The following FIGNL2 variants were observed in gnomAD, a reference collection of about 807,000 sequenced individuals.
FIGNL2 encodes fidgetin like 2.
For synonymous variants in FIGNL2, 565 were observed against 484.0 expected (o/e 1.17, Z -2.20); for missense variants, 1,060 against 950.2 (o/e 1.12, Z -1.52).
At chr12:51,825,948 C>T (rs970531094) in intron 1 of FIGNL2, 2 of 152,216 alleles carry the variant, frequency 1.3e-5, no homozygotes, top group African/African-American at 2.4e-5. Flanking sequence ...GATCTCTACT[C>T]TCAGTCTTCA....
intron 1 of FIGNL2, among the ~76,000 whole-genome samples, chr12:51,836,133 A>G (rs1195259919): frequency 6.6e-6 from 1 of 152,102 alleles, no homozygotes; most frequent in African/African-American, 2.4e-5. Flanking sequence ...TAGGATTCCC[A>G]GGCAGTTTTA....
Position 51,818,642 on chromosome 12 carries a change from A to T in FIGNL2, c.*1810T>A, listed in dbSNP as rs1939100207. On this transcript the variant is annotated 3_prime_UTR_variant, in exon 2 of 2. Transcript: ENST00000618634. ...ATCCCCCCCAGACACCCTCCCAGCC[A>T]GGGGGGAGGCAGTAGACTCTAGGAA... 6.6e-6 allele frequency: 1 copy of T among 152,370 alleles called. No individual in the cohort carries two copies. The highest frequency in any genetic ancestry group is 1.5e-5 in the Non-Finnish European group (1 of 68,492). The allele number at this position is 152,370 out of a possible 1,614,324, so 9.4% of individuals were successfully genotyped here. A position where few individuals can be genotyped will look rare whatever the true frequency, so the allele number is the denominator to read the frequency against.
chr12:51,844,236 G>A (rs764148774), intron 1 of FIGNL2, among the ~76,000 whole-genome samples: 1 of 152,184 alleles, frequency 6.6e-6, no homozygotes, highest in Non-Finnish European at 1.5e-5. Context: ...TTGGTCTCTA[G>A]GGTAGGGGTC....
At chr12:51,826,064 C>G (rs978088320) in intron 1 of FIGNL2, 1 of 152,202 alleles carries the variant, frequency 6.6e-6, no homozygotes, top group African/African-American at 2.4e-5. Flanking sequence ...CTCTGGCCCT[C>G]TTTTTACCTT....
rs1346602674 is a variant in FIGNL2, at chr12:51,821,346, A to G, written c.1068T>C (p.Arg356=). The G allele has an allele frequency of 7.3e-6, 11 of 1,501,022 alleles. No homozygotes were observed. The South Asian group carries it at 8.7e-5, about 12-fold the overall frequency. 93.0% of individuals were successfully genotyped at this position (1,501,022 alleles called of 1,614,324 possible). A position where few individuals can be genotyped will look rare whatever the true frequency, so the allele number is the denominator to read the frequency against. ...EKFPERAPAP[R]GGFAVPSGET... ...CCCCCGACGGCACGGCGAACCCCCCACGAGGAGCCGGGGCCCGCTCCGGGA... is the reference window on the plus strand; with the variant it reads ...CCCCCGACGGCACGGCGAACCCCCCGCGAGGAGCCGGGGCCCGCTCCGGGA... The change falls in exon 2 of 2, where the codon CGT becomes CGC. Residue 356 remains arginine (R), a synonymous_variant. Coordinates refer to ENST00000618634, the MANE Select transcript of FIGNL2 (RefSeq NM_001384995.1).
At chr12:51,822,556 C>T (rs1442264835) in intron 1 of FIGNL2, 132 bp from the exon 2 acceptor site, 2 of 971,420 alleles carry the variant, frequency 2.1e-6, no homozygotes, top group Non-Finnish European at 3.1e-6. Flanking sequence ...CACCTACCGC[C>T]CCACTCTCTT....
In FIGNL2 at chr12:51,821,395, G is replaced by C; in HGVS notation, c.1019C>G (p.Pro340Arg). The change falls in exon 2 of 2, where the codon CCG becomes CGG. Residue 340 changes from proline (P) to arginine (R), a missense_variant. Transcript: ENST00000618634. ...GAACTTTTCAAAGGGCTCCAGTTGCGGGCCGTAGACGGGGGAGCCCAGGAC... is the reference window on the plus strand; with the variant it reads ...GAACTTTTCAAAGGGCTCCAGTTGCCGGCCGTAGACGGGGGAGCCCAGGAC... ...LKVLGSPVYG[P>R]QLEPFEKFPE... The C allele has an allele frequency of 6.6e-7, 1 of 1,523,340 alleles. No homozygotes were observed. Among genetic ancestry groups the C allele is most frequent in the Non-Finnish European group, 8.8e-7 (1 of 1,137,830 alleles). The allele number at this position is 1,523,340 out of a possible 1,614,324, so 94.4% of individuals were successfully genotyped here. A position where few individuals can be genotyped will look rare whatever the true frequency, so the allele number is the denominator to read the frequency against.
intron 1 of FIGNL2, among the ~76,000 whole-genome samples, chr12:51,828,070 TACACTCACCA>T (rs1939381512): frequency 6.6e-6 from 1 of 152,104 alleles, no homozygotes; most frequent in African/African-American, 2.4e-5. Flanking sequence ...GCTGCACACC[TACACTCACCA>T]ACACTCACTT....
intron 1 of FIGNL2, among the ~76,000 whole-genome samples, chr12:51,830,537 G>C (rs189430383): frequency 2.0e-3 from 299 of 148,028 alleles, no homozygotes; most frequent in African/African-American, 7.0e-3. Context: ...TGTCGCATGG[G>C]CTGGAGTGCA....
At chr12:51,827,626 A>C (rs897831909) in intron 1 of FIGNL2, among the ~76,000 whole-genome samples, 9 of 152,204 alleles carry the variant, frequency 5.9e-5, no homozygotes, top group African/African-American at 1.7e-4. Flanking sequence ...GTGGGGCACA[A>C]ATTACAAATT....
At chr12:51,830,785 C>A (rs145310717) in intron 1 of FIGNL2, among the ~76,000 whole-genome samples, 1 of 151,846 alleles carries the variant, frequency 6.6e-6, no homozygotes, top group African/African-American at 2.4e-5. Context: ...CCACCACACC[C>A]GGCCTACGCT....
At chr12:51,836,967 C>T (rs1479735094) in intron 1 of FIGNL2, among the ~76,000 whole-genome samples, 3 of 152,278 alleles carry the variant, frequency 2.0e-5, no homozygotes, top group South Asian at 4.1e-4. Flanking sequence ...TCTCTCTGGC[C>T]AATCACAGCA....
intron 1 of FIGNL2, chr12:51,844,816 G>T: frequency 1.0e-6 from 1 of 985,388 alleles, no homozygotes; most frequent in Non-Finnish European, 1.2e-6. Context: ...CAGCCAGTGT[G>T]AACTCTTCCC....
intron 1 of FIGNL2, among the ~76,000 whole-genome samples, chr12:51,827,385 T>C (rs1408366770): frequency 6.6e-6 from 1 of 151,788 alleles, no homozygotes; most frequent in Non-Finnish European, 1.5e-5. Flanking sequence ...TCCCCATTTC[T>C]ATTTGTTTTT....
chr12:51,826,618 G>A (rs937605834), intron 1 of FIGNL2, among the ~76,000 whole-genome samples: 3 of 140,612 alleles, frequency 2.1e-5, no homozygotes, highest in Admixed American at 7.3e-5. Flanking sequence ...CAGCCTGGGC[G>A]ATAAGAGCGA....
In FIGNL2 at chr12:51,820,540, G is replaced by T; in HGVS notation, c.1874C>A (p.Ala625Glu). 6.5e-7 allele frequency: 1 copy of T among 1,548,966 alleles called. No individual in the cohort carries two copies. Among genetic ancestry groups the T allele is most frequent in the Non-Finnish European group, 8.7e-7 (1 of 1,154,598 alleles). ...CCTAGGGCCCACCTTGGCCAGCGCC[G>T]CCTCCAGGTCCTTGTAGGAGAGGGG... ...QRPLSYKDLE[A>E]ALAKVGPRAS... Residue 625 changes from alanine to glutamate, a missense_variant, in exon 2 of 2, where the codon GCG becomes GAG. By Grantham distance (107) the Ala-to-Glu change is moderately radical. Coordinates refer to ENST00000618634, the MANE Select transcript of FIGNL2 (RefSeq NM_001384995.1).
intron 1 of FIGNL2, among the ~76,000 whole-genome samples, chr12:51,826,444 C>T (rs977995198): frequency 1.3e-5 from 2 of 148,612 alleles, no homozygotes; most frequent in African/African-American, 5.0e-5. Flanking sequence ...GCCTAGCCAA[C>T]GTGGTGAAAC....
At chr12:51,831,745 C>T (rs568060406) in intron 1 of FIGNL2, 1 of 154,524 alleles carries the variant, frequency 6.5e-6, no homozygotes, top group South Asian at 2.0e-4. Flanking sequence ...CCTCGGTTCC[C>T]CCTTCTCCTA....
intron 1 of FIGNL2, among the ~76,000 whole-genome samples, chr12:51,840,176 G>A (rs1269290971): frequency 1.3e-5 from 2 of 152,174 alleles, no homozygotes; most frequent in African/African-American, 4.8e-5. Context: ...AGTGGAGGCC[G>A]CCATGGACTG....
Sources: gnomAD v4.1 joint callset for allele counts (sites outside exome capture counted in the v4.1 genomes callset) on GRCh38, gnomAD v4.1.1 for gene constraint, MANE v1.5 for transcripts, NCBI Gene and HGNC (gene_info 2026-07-23, HGNC 2026-07-21) for gene names.